The following TSNAX variants were observed in gnomAD, a reference collection of about 807,000 sequenced individuals.
The protein encoded by TSNAX is translin-associated protein X.
Under a neutral mutation model 33.0 loss-of-function variants are expected in TSNAX, and 12 were observed. That is an observed-to-expected ratio of 0.36 (90% CI 0.23 to 0.59). The LOEUF is 0.59. Ranked by LOEUF, TSNAX falls within the 20% of genes least tolerant of loss-of-function variation. The probability of loss-of-function intolerance (pLI) is 0.74; values close to 1 mark genes in which losing one functional copy is unlikely to be tolerated. For missense variants in TSNAX, 267 were observed against 341.3 expected (o/e 0.78, Z 1.72); for synonymous variants, 110 against 117.2 (o/e 0.94, Z 0.40).
At position 231,565,027 on chromosome 1, in the gene TSNAX, T is replaced by G; in HGVS notation, c.*122T>G. On this transcript the variant is annotated 3_prime_UTR_variant, in exon 6 of 6. Transcript: ENST00000366639. The stretch of plus-strand genomic sequence containing the variant: ...TACATAGAAACATATTCAGTTGTAC[T>G]TGTTTTAAATTGTATACAAGCTGTA... 8.5e-7 allele frequency: 1 copy of G among 1,173,272 alleles called. No individual in the cohort carries two copies. Among genetic ancestry groups the G allele is most frequent in the Non-Finnish European group, 1.2e-6 (1 of 851,728 alleles). The allele number at this position is 1,173,272 out of a possible 1,614,324, so 72.7% of individuals were successfully genotyped here. A position where few individuals can be genotyped will look rare whatever the true frequency, so the allele number is the denominator to read the frequency against.
chr1:231,566,204 TAA>T lies in TSNAX; in HGVS notation c.*1301_*1302del, dbSNP rs1377681289. 2 of 152,596 alleles carry T rather than the reference TAA, an allele frequency of 1.3e-5. No individual in the cohort carries two copies. The highest frequency in any genetic ancestry group is 2.9e-5 in the Non-Finnish European group (2 of 68,028). The allele number at this position is 152,596 out of a possible 1,614,324, so 9.5% of individuals were successfully genotyped here. On this transcript the variant is annotated 3_prime_UTR_variant, in exon 6 of 6. Transcript: ENST00000366639. ...ACCTTTAGTTGTCCCATGGTGTTAA[TAA>T]AGTTGCCAAAGAAGATGTATTATGA...
intron 4 of TSNAX, among the ~76,000 whole-genome samples, chr1:231,550,525 A>G (rs1349153520): frequency 1.3e-5 from 2 of 152,198 alleles, no homozygotes; most frequent in Non-Finnish European, 2.9e-5. Context: ...GCATTGCTTT[A>G]TTTGAGGCAT....
chr1:231,529,923 AC>A (rs1477659626), intron 2 of TSNAX, among the ~76,000 whole-genome samples: 2 of 152,174 alleles, frequency 1.3e-5, no homozygotes, highest in African/African-American at 4.8e-5. Flanking sequence ...CCTGTACCTT[AC>A]GTTTCTGTGA....
At chr1:231,555,147 G>A (rs1370220354) in intron 4 of TSNAX, among the ~76,000 whole-genome samples, 1 of 152,206 alleles carries the variant, frequency 6.6e-6, no homozygotes, top group Non-Finnish European at 1.5e-5. Context: ...CCAAAAGGTG[G>A]AAGTGACTCA....
intron 4 of TSNAX, among the ~76,000 whole-genome samples, chr1:231,547,809 A>G (rs1660029656): frequency 6.6e-6 from 1 of 151,956 alleles, no homozygotes; most frequent in African/African-American, 2.4e-5. Flanking sequence ...TAAAAGGGAA[A>G]AGAAATCCAA....
rs191422396 is a variant in TSNAX at position 231,533,354 on chromosome 1, G to C, written c.122-3859G>C. Among the ~76,000 whole-genome samples, 535 of 152,264 alleles carry C rather than the reference G, an allele frequency of 3.5e-3. 6 individuals carry two copies. Among genetic ancestry groups the C allele is most frequent in the African/African-American group, 0.012 (507 of 41,540 alleles). On this transcript the variant is annotated intron_variant, in intron 2 of 5. Transcript: ENST00000366639. ...GACCTCAAGTGATCCACCCACCTCA[G>C]CCTCCCAAAGAGCTGGGATTATAGG... is the stretch of plus-strand genomic sequence containing the variant.
intron 4 of TSNAX, among the ~76,000 whole-genome samples, chr1:231,548,913 A>T (rs1017791339): frequency 1.3e-5 from 2 of 152,244 alleles, no homozygotes; most frequent in Non-Finnish European, 2.9e-5. Flanking sequence ...AAGGAAATAC[A>T]ATATAATATT....
intron 4 of TSNAX, among the ~76,000 whole-genome samples, chr1:231,545,894 A>G (rs114087539): frequency 0.014 from 2,075 of 152,242 alleles, 58 homozygotes; most frequent in African/African-American, 0.047. Flanking sequence ...GAGGCTCACA[A>G]GTTATGCTCA....
intron 4 of TSNAX, among the ~76,000 whole-genome samples, chr1:231,550,904 G>A (rs1572132243): frequency 6.6e-6 from 1 of 152,094 alleles, no homozygotes; most frequent in Non-Finnish European, 1.5e-5. Flanking sequence ...TCAAATCATG[G>A]CTCAGACAAG....
chr1:231,561,579 A>G, intron 5 of TSNAX, among the ~76,000 whole-genome samples: 1 of 152,214 alleles, frequency 6.6e-6, no homozygotes, highest in East Asian at 1.9e-4. Flanking sequence ...TATTAACCAT[A>G]TGTGGTAAGC....
chr1:231,547,845 T>C (rs1029734694), intron 4 of TSNAX, among the ~76,000 whole-genome samples: 5 of 148,284 alleles, frequency 3.4e-5, no homozygotes, highest in African/African-American at 7.5e-5. Context: ...TGCTTTCTTT[T>C]TTTTTTTTTT....
At chr1:231,564,467 C>T in intron 5 of TSNAX, 61 bp from the exon 6 acceptor site, 2 of 1,538,582 alleles carry the variant, frequency 1.3e-6, no homozygotes, top group Non-Finnish European at 1.7e-6. Flanking sequence ...CACTCTTTTT[C>T]ACAGTGTTCT....
At chr1:231,529,480 G>A (rs1658508298) in intron 2 of TSNAX, 121 bp downstream of exon 2, 1 of 912,476 alleles carries the variant, frequency 1.1e-6, no homozygotes, top group Admixed American at 2.5e-5. Flanking sequence ...GTTTTGTGAT[G>A]GCGCTAGATG....
rs1212399424 is a variant in TSNAX at position 231,529,317 on chromosome 1, A to G, written c.79A>G (p.Lys27Glu). The G allele has an allele frequency of 6.2e-7, 1 of 1,614,212 alleles. No individual in the cohort carries two copies. Among genetic ancestry groups the G allele is most frequent in the Non-Finnish European group, 8.5e-7 (1 of 1,180,034 alleles). Reference protein sequence around the residue: ...NFPHNQRREGKDVNSSSPVML... With the variant: ...NFPHNQRREGEDVNSSSPVML... ...CCCACATAACCAAAGAAGAGAAGGG[A>G]AGGATGTTAATTCATCTTCACCCGT... is the stretch of plus-strand genomic sequence containing the variant. Residue 27 changes from lysine (K) to glutamate (E), a missense_variant, in exon 2 of 6, where the codon AAG becomes GAG. This residue lies in a region of TSNAX where 200 missense variants were observed against 214.1 expected (regional missense o/e 0.93). Transcript: ENST00000366639.
At chr1:231,544,974 AGATAACTTACTCATG>A (rs1160860546) in intron 4 of TSNAX, among the ~76,000 whole-genome samples, 2 of 152,200 alleles carry the variant, frequency 1.3e-5, no homozygotes, top group African/African-American at 4.8e-5. Context: ...TTTCCTTTGA[AGATAACTTACTCATG>A]GATTAAAATA....
chr1:231,559,328 T>G (rs1660886497), intron 4 of TSNAX, among the ~76,000 whole-genome samples: 1 of 152,038 alleles, frequency 6.6e-6, no homozygotes, highest in Admixed American at 6.5e-5. Flanking sequence ...TTGTTGTTGT[T>G]GTTGTTGTTG....
chr1:231,549,597 T>C (rs1386107278), intron 4 of TSNAX, among the ~76,000 whole-genome samples: 1 of 152,190 alleles, frequency 6.6e-6, no homozygotes, highest in African/African-American at 2.4e-5. Context: ...GATTAATTCA[T>C]GGTTTGGGTC....
At chr1:231,555,305 A>G (rs1660617491) in intron 4 of TSNAX, among the ~76,000 whole-genome samples, 1 of 152,232 alleles carries the variant, frequency 6.6e-6, no homozygotes, top group African/African-American at 2.4e-5. Context: ...GCCAATCACA[A>G]AAGGGCAAAT....
intron 4 of TSNAX, among the ~76,000 whole-genome samples, chr1:231,546,892 C>T (rs1168139945): frequency 2.0e-5 from 3 of 152,036 alleles, no homozygotes; most frequent in Non-Finnish European, 2.9e-5. Flanking sequence ...TGGGGGATGG[C>T]GCCTGAGGAT....
Sources: allele counts gnomAD v4.1 joint callset (sites outside exome capture counted in the v4.1 genomes callset), GRCh38; gene constraint gnomAD v4.1.1; regional missense constraint gnomAD v4.1.1; transcripts MANE v1.5; gene names NCBI Gene and HGNC (gene_info 2026-07-23, HGNC 2026-07-21).